GPM6A: variants seen among roughly 807,000 people sequenced by gnomAD.
GPM6A encodes the protein glycoprotein M6A.
A neutral mutation model predicts 32.1 loss-of-function variants in GPM6A; 7 were observed. That is an observed-to-expected ratio of 0.22 (90% confidence interval 0.12 to 0.41). The LOEUF (loss-of-function observed/expected upper bound fraction) is 0.41, where lower values mean the gene tolerates loss of function less well. GPM6A is among the 10% of genes least tolerant of loss of function. The pLI is 1.00. For synonymous variants in GPM6A, 130 were observed against 123.4 expected (o/e 1.05, Z -0.35); for missense variants, 235 against 347.2 (o/e 0.68, Z 2.57).
At chr4:175,790,840 G>A (rs1733984933) in intron 1 of GPM6A, among the ~76,000 whole-genome samples, 1 of 151,874 alleles carries the variant, frequency 6.6e-6, no homozygotes, top group South Asian at 2.1e-4. Flanking sequence ...CTTTTAGGGA[G>A]GAAAAAAAGA....
At chr4:175,930,206 A>T (rs1226177111) in intron 1 of GPM6A, among the ~76,000 whole-genome samples, 1 of 152,120 alleles carries the variant, frequency 6.6e-6, no homozygotes, top group African/African-American at 2.4e-5. Flanking sequence ...CGTTAATAAC[A>T]TTCTGTAAAA....
intron 1 of GPM6A, among the ~76,000 whole-genome samples, chr4:175,789,426 G>C (rs917400754): frequency 6.6e-5 from 10 of 152,058 alleles, no homozygotes; most frequent in Middle Eastern, 3.2e-3. Flanking sequence ...CATTGCAGAA[G>C]CTGTAAATCC....
chr4:175,911,249 G>T (rs184665085), intron 1 of GPM6A, among the ~76,000 whole-genome samples: 81 of 152,180 alleles, frequency 5.3e-4, no homozygotes, highest in African/African-American at 1.6e-3. Flanking sequence ...AGTTTTGGGG[G>T]CAGATGAAGG....
chr4:175,731,192 A>G (rs1264306850), intron 1 of GPM6A, among the ~76,000 whole-genome samples: 1 of 152,122 alleles, frequency 6.6e-6, no homozygotes, highest in Non-Finnish European at 1.5e-5. Context: ...TTGGATTTCA[A>G]AACTCTTTGT....
chr4:175,845,746 T>C (rs1296863499), intron 1 of GPM6A, among the ~76,000 whole-genome samples: 2 of 152,108 alleles, frequency 1.3e-5, no homozygotes, highest in South Asian at 2.1e-4. Flanking sequence ...TACAATCAGA[T>C]ACCAATTAAT....
chr4:175,776,179 A>G (rs1013072476), intron 1 of GPM6A, among the ~76,000 whole-genome samples: 2 of 152,210 alleles, frequency 1.3e-5, no homozygotes, highest in African/African-American at 4.8e-5. Context: ...AAGACCCTTA[A>G]TAAAACTTTC....
chr4:175,723,430 TA>T (rs1239240985), intron 1 of GPM6A, among the ~76,000 whole-genome samples: 4 of 152,330 alleles, frequency 2.6e-5, no homozygotes, highest in East Asian at 3.9e-4. Flanking sequence ...TTTTTATTTT[TA>T]TTTTTTTATT....
chr4:175,651,415 C>T (rs1741799167), intron 4 of GPM6A, among the ~76,000 whole-genome samples: 1 of 151,954 alleles, frequency 6.6e-6, no homozygotes, highest in African/African-American at 2.4e-5. Flanking sequence ...GCTGCCCTCC[C>T]ATTTCAGAAG....
intron 1 of GPM6A, among the ~76,000 whole-genome samples, chr4:175,866,596 G>C (rs1736747649): frequency 6.6e-6 from 1 of 152,050 alleles, no homozygotes; most frequent in Non-Finnish European, 1.5e-5. Flanking sequence ...TGGCTTGATG[G>C]TTTATTTCTT....
chr4:175,813,245 A>G (rs541923543), upstream of GPM6A: 1 of 181,958 alleles, frequency 5.5e-6, no homozygotes. Context: ...GGGAGGAACA[A>G]ATTTTAGATA....
chr4:175,758,065 G>C (rs1452814844), intron 1 of GPM6A, among the ~76,000 whole-genome samples: 3 of 152,158 alleles, frequency 2.0e-5, no homozygotes, highest in Non-Finnish European at 4.4e-5. Flanking sequence ...CCTGGAGTAG[G>C]AAAGGCCTCT....
intron 1 of GPM6A, among the ~76,000 whole-genome samples, chr4:175,767,111 T>C (rs1295714926): frequency 2.0e-5 from 3 of 152,222 alleles, no homozygotes. Flanking sequence ...CATTTTATTA[T>C]TAATGAGTCT....
chr4:175,991,374 C>T (rs1012557697), intron 1 of GPM6A, among the ~76,000 whole-genome samples: 1 of 151,876 alleles, frequency 6.6e-6, no homozygotes, highest in Admixed American at 6.6e-5. Flanking sequence ...TGCGCCTGGC[C>T]TAAATCTTGC....
chr4:175,757,384 G>A (rs1001802140), intron 1 of GPM6A, among the ~76,000 whole-genome samples: 3 of 151,978 alleles, frequency 2.0e-5, no homozygotes, highest in African/African-American at 7.2e-5. Context: ...TCTCATTAAG[G>A]ACCCCAATTC....
rs1451550980 is a variant in GPM6A, at chr4:175,639,234, C to A, written c.684+895G>T. Among the ~76,000 whole-genome samples the A allele has an allele frequency of 2.6e-5, 4 of 152,156 alleles. No individual in the cohort carries two copies. The East Asian group carries it at 7.7e-4, about 29-fold the overall frequency. The stretch of plus-strand genomic sequence containing the variant: ...TAACCACTCTGACATGGCTAATTAG[C>A]ACATTAGTATTTTCTCATCATTCTT... On this transcript the variant is annotated intron_variant, in intron 6 of 6. Transcript: ENST00000393658.
At chr4:175,911,386 G>A (rs1253203045) in intron 1 of GPM6A, among the ~76,000 whole-genome samples, 2 of 152,044 alleles carry the variant, frequency 1.3e-5, no homozygotes, top group Admixed American at 1.3e-4. Context: ...TCATCCCCTA[G>A]TTTGAAAATA....
In GPM6A at chr4:175,757,457, G is replaced by T. The variant is rs114431689; in HGVS notation, c.37+54734C>A. Among the ~76,000 whole-genome samples the T allele has an allele frequency of 8.8e-3, 1,344 of 152,194 alleles. 12 individuals are homozygous for T. Among genetic ancestry groups the T allele is most frequent in the Middle Eastern group, 0.017 (5 of 294 alleles). Reference sequence around the variant, plus strand: ...CACAGTAATCGTGGGATATAAAAATGTTCGTTGTTGCTTTATGTCACTAAA... The same window carrying T: ...CACAGTAATCGTGGGATATAAAAATTTTCGTTGTTGCTTTATGTCACTAAA... On this transcript the variant is annotated intron_variant, in intron 1 of 6. Transcript: ENST00000393658.
At chr4:175,843,210 A>G (rs1463071292) in intron 1 of GPM6A, among the ~76,000 whole-genome samples, 1 of 152,188 alleles carries the variant, frequency 6.6e-6, no homozygotes, top group Admixed American at 6.6e-5. Flanking sequence ...CTAGATGAAG[A>G]GCATGTAAGA....
At chr4:175,733,120 G>GT (rs958412878) in intron 1 of GPM6A, among the ~76,000 whole-genome samples, 11 of 151,978 alleles carry the variant, frequency 7.2e-5, no homozygotes, top group African/African-American at 1.2e-4. Context: ...CAAAATCACT[G>GT]TTTTTTTTAA....
Sources: allele counts gnomAD v4.1 joint callset (sites outside exome capture counted in the v4.1 genomes callset), GRCh38; gene constraint gnomAD v4.1.1; transcripts MANE v1.5; gene names NCBI Gene and HGNC (gene_info 2026-07-23, HGNC 2026-07-21).